PRKCE: variants seen among roughly 807,000 people sequenced by gnomAD.
PRKCE encodes the protein protein kinase C epsilon type.
PRKCE carries 16 observed loss-of-function variants against 85.4 expected under a neutral mutation model. The ratio of observed to expected loss-of-function variants is 0.19; its 90% confidence interval spans 0.13 to 0.28. PRKCE has a LOEUF of 0.28. PRKCE is among the 10% of genes least tolerant of loss of function. PRKCE has a pLI of 1.00. For missense variants in PRKCE, 573 were observed against 975.2 expected (o/e 0.59, Z 5.49); for synonymous variants, 388 against 371.5 (o/e 1.04, Z -0.51).
intron 13 of PRKCE, among the ~76,000 whole-genome samples, chr2:46,153,709 G>T (rs991022117): frequency 6.6e-6 from 1 of 151,860 alleles, no homozygotes; most frequent in Non-Finnish European, 1.5e-5. Flanking sequence ...GGCGGTGTCT[G>T]AGTATGCAGG....
At chr2:46,064,663 T>C (rs2103658457) in intron 10 of PRKCE, among the ~76,000 whole-genome samples, 1 of 152,224 alleles carries the variant, frequency 6.6e-6, no homozygotes, top group East Asian at 1.9e-4. Context: ...TAGACTCTGA[T>C]TTTGGTGACA....
At position 46,004,309 on chromosome 2, in the gene PRKCE, A is replaced by G. The variant is rs1704978177; in HGVS notation, c.967-233A>G. On this transcript the variant is annotated intron_variant, in intron 7 of 14. Transcript: ENST00000306156. This position sits in a 1 kb window ranked among gnomAD's most constrained non-coding sequence, Gnocchi z 4.1. ...GAAGACATCATCCTTCTGTGAATGT[A>G]GGGAAGGTGCACTGAAATTCCTTTT... 1 of 462,308 alleles carries G rather than the reference A, an allele frequency of 2.2e-6. No homozygotes were observed. The highest frequency in any genetic ancestry group is 4.0e-6 in the Non-Finnish European group (1 of 247,822). The allele number at this position is 462,308 out of a possible 1,614,324, so 28.6% of individuals were successfully genotyped here.
intron 10 of PRKCE, among the ~76,000 whole-genome samples, chr2:46,052,147 A>C (rs1320013340): frequency 6.6e-6 from 1 of 152,260 alleles, no homozygotes; most frequent in Admixed American, 6.5e-5. Flanking sequence ...CTGTCAACAC[A>C]GTCCCTTCTT....
At chr2:45,933,554 A>G (rs1424144266) in intron 2 of PRKCE, among the ~76,000 whole-genome samples, 1 of 140,536 alleles carries the variant, frequency 7.1e-6, no homozygotes, top group African/African-American at 2.7e-5. Flanking sequence ...GCTCACTGCA[A>G]GCTCCACCTC....
chr2:45,655,157 G>A lies in PRKCE; in HGVS notation c.348+2709G>A, dbSNP rs1392161960. ...CTAACCAGGGAAGCTTCTCACTGTG[G>A]GCCATCCAGAGGAAAATGAGGCCCT... On this transcript the variant is annotated intron_variant, in intron 1 of 14. Coordinates refer to ENST00000306156, the MANE Select transcript of PRKCE (RefSeq NM_005400.3). Among the ~76,000 whole-genome samples, 3 of 152,028 alleles carry A rather than the reference G, an allele frequency of 2.0e-5. No individual in the cohort carries two copies. In the East Asian group the frequency reaches 5.8e-4, roughly 29 times the overall value.
intron 14 of PRKCE, among the ~76,000 whole-genome samples, chr2:46,182,103 C>A (rs1680035772): frequency 6.6e-6 from 1 of 152,172 alleles, no homozygotes; most frequent in African/African-American, 2.4e-5. Context: ...GGCTCCAGCT[C>A]CCCCGGCGTG....
chr2:45,759,885 G>A (rs1190345461), intron 1 of PRKCE, among the ~76,000 whole-genome samples: 1 of 152,162 alleles, frequency 6.6e-6, no homozygotes, highest in East Asian at 1.9e-4. Flanking sequence ...TGCAGGTGAT[G>A]GATCATGCCT....
At chr2:45,897,381 C>A (rs567195090) in intron 2 of PRKCE, among the ~76,000 whole-genome samples, 1 of 152,162 alleles carries the variant, frequency 6.6e-6, no homozygotes, top group Non-Finnish European at 1.5e-5. Flanking sequence ...GGCATCATTG[C>A]GAACTTGGAA....
intron 11 of PRKCE, among the ~76,000 whole-genome samples, chr2:46,140,240 G>T (rs1675383202): frequency 6.6e-6 from 1 of 152,058 alleles, no homozygotes; most frequent in African/African-American, 2.4e-5. Flanking sequence ...GGAATGGCCA[G>T]GAAATTTTGA....
At chr2:46,137,690 G>A (rs1279308267) in intron 11 of PRKCE, among the ~76,000 whole-genome samples, 2 of 151,228 alleles carry the variant, frequency 1.3e-5, no homozygotes, top group Non-Finnish European at 2.9e-5. Context: ...TTGATCCTGG[G>A]AGGCAGAGGG....
chr2:46,052,040 G>T (rs959911120), intron 10 of PRKCE, among the ~76,000 whole-genome samples: 1 of 152,190 alleles, frequency 6.6e-6, no homozygotes, highest in African/African-American at 2.4e-5. Context: ...TACAATTCAA[G>T]ATGAGATCTG....
At chr2:45,846,808 G>T (rs1407950004) in intron 2 of PRKCE, among the ~76,000 whole-genome samples, 1 of 152,218 alleles carries the variant, frequency 6.6e-6, no homozygotes, top group Non-Finnish European at 1.5e-5. Flanking sequence ...TGGTTCCTAT[G>T]GTAGGTGCTA....
chr2:45,848,895 G>A (rs1183964638), intron 2 of PRKCE, among the ~76,000 whole-genome samples: 1 of 152,312 alleles, frequency 6.6e-6, no homozygotes, highest in African/African-American at 2.4e-5. Context: ...AAAGAGGCAA[G>A]GCTTGGGTTG....
chr2:46,096,730 G>A (rs987251589), intron 11 of PRKCE, among the ~76,000 whole-genome samples: 3 of 152,138 alleles, frequency 2.0e-5, no homozygotes, highest in Admixed American at 1.3e-4. Context: ...GTAGTTTTTT[G>A]TTATGGCAGT....
At chr2:45,755,447 C>A (rs550971997) in intron 1 of PRKCE, among the ~76,000 whole-genome samples, 1 of 152,332 alleles carries the variant, frequency 6.6e-6, no homozygotes, top group African/African-American at 2.4e-5. Flanking sequence ...CACGGTCCTT[C>A]ATTCTACAGT....
chr2:45,853,519 G>A (rs1240939276), intron 2 of PRKCE, among the ~76,000 whole-genome samples: 3 of 152,108 alleles, frequency 2.0e-5, no homozygotes, highest in Non-Finnish European at 4.4e-5. Context: ...CTCACCCAGG[G>A]ACCTTGCTAG....
intron 2 of PRKCE, among the ~76,000 whole-genome samples, chr2:45,961,883 C>T (rs950149245): frequency 6.6e-6 from 1 of 152,052 alleles, no homozygotes; most frequent in East Asian, 1.9e-4. Context: ...TTAGTAGAGA[C>T]GGGGTTTCTC....
intron 1 of PRKCE, among the ~76,000 whole-genome samples, chr2:45,781,524 C>G (rs1259623309): frequency 1.3e-5 from 2 of 152,140 alleles, no homozygotes; most frequent in Non-Finnish European, 2.9e-5. Context: ...TTTGCAGTTG[C>G]AAGTGTCAGA....
intron 2 of PRKCE, among the ~76,000 whole-genome samples, chr2:45,891,943 C>T (rs150507460): frequency 2.6e-5 from 4 of 152,188 alleles, no homozygotes; most frequent in African/African-American, 4.8e-5. Context: ...ACAGTGCTGC[C>T]GCAGCATTCC....
Sources: gnomAD v4.1 joint callset for allele counts (sites outside exome capture counted in the v4.1 genomes callset) on GRCh38, gnomAD v4.1.1 for gene constraint, Gnocchi (gnomAD v3.1) non-coding constraint, MANE v1.5 for transcripts, NCBI Gene and HGNC (gene_info 2026-07-23, HGNC 2026-07-21) for gene names.